COL6A1: variants seen among roughly 807,000 people sequenced by gnomAD.
COL6A1 encodes collagen alpha-1(VI) chain.
COL6A1 carries 80 observed loss-of-function variants against 145.6 expected under a neutral mutation model. The ratio of observed to expected loss-of-function variants is 0.55; its 90% CI spans 0.46 to 0.66. The LOEUF is 0.66. Among genes scored for constraint, COL6A1 ranks in the 30% least tolerant of loss-of-function variants. The pLI is 0.00. For missense variants in COL6A1, 1,364 were observed against 1,473.8 expected (o/e 0.93, Z 1.22); for synonymous variants, 638 against 622.8 (o/e 1.02, Z -0.36).
chr21:45,999,174 G>A lies in COL6A1; in HGVS notation c.1696G>A (p.Gly566Arg). ...CTAGAACAACGACATTGCACCCCGA[G>A]GAGTCAAAGGAGCAAAGGGGTACCG... is the stretch of plus-strand genomic sequence containing the variant. ...GDDNNDIAPR[G>R]VKGAKGYRGP... The change falls in exon 26 of 35, where the codon GGA becomes AGA. Residue 566 changes from glycine (G) to arginine (R), a missense_variant. Coordinates refer to ENST00000361866, the MANE Select transcript of COL6A1 (RefSeq NM_001848.3). The A allele has an allele frequency of 6.2e-7, 1 of 1,602,654 alleles. No homozygotes were observed. The highest frequency in any genetic ancestry group is 8.5e-7 in the Non-Finnish European group (1 of 1,175,566).
chr21:45,999,082 C>T (rs1278085600), intron 25 of COL6A1, 71 bp from the exon 26 acceptor site: 3 of 1,545,034 alleles, frequency 1.9e-6, no homozygotes, highest in Non-Finnish European at 2.6e-6. Flanking sequence ...GCTGGATGCT[C>T]TGTGGACGGG....
intron 2 of COL6A1, 139 bp from the exon 3 acceptor site, chr21:45,984,130 C>T: frequency 1.1e-6 from 1 of 904,460 alleles, no homozygotes; most frequent in East Asian, 2.6e-5. Context: ...GGCCTCAGGG[C>T]CACAGGGCAA....
At chr21:46,000,412 G>A (rs755618354) in intron 28 of COL6A1, 45 bp downstream of exon 28, 23 of 1,602,800 alleles carry the variant, frequency 1.4e-5, no homozygotes, top group Admixed American at 3.3e-5. Flanking sequence ...GAGCAGGGCC[G>A]CCAGCCTGGC....
In COL6A1 at chr21:46,003,801, G is replaced by T; in HGVS notation, c.2875G>T (p.Val959Leu). 1 of 1,608,978 alleles carries T rather than the reference G, an allele frequency of 6.2e-7. No individual in the cohort carries two copies. The highest frequency in any genetic ancestry group is 1.3e-5 in the African/African-American group (1 of 74,946). The change falls in exon 35 of 35, where the codon GTG (valine) becomes TTG (leucine). Residue 959 changes from valine to leucine, a missense_variant. Around this residue, in one of 3 missense-constraint regions of COL6A1, gnomAD observed 938 missense variants for 1,003.8 expected, o/e 0.93. Transcript: ENST00000361866. ...GATPAAIEKA[V>L]QEAQRAGIEI... ...CACGCCCGCTGCCATCGAGAAGGCC[G>T]TGCAGGAAGCCCAGCGGGCAGGCAT...
At position 45,994,303 on chromosome 21, in the gene COL6A1, G is replaced by A. The variant is rs941717749; in HGVS notation, c.1398+74G>A. The A allele has an allele frequency of 1.1e-5, 15 of 1,360,410 alleles. No homozygotes were observed. The highest frequency in any genetic ancestry group is 1.8e-4 in the Middle Eastern group (1 of 5,648). 84.3% of individuals were successfully genotyped at this position (1,360,410 alleles called of 1,614,324 possible). ...GGGTAGAAGTGCTCCAGCAGCTCAC[G>A]CACTGGGGGTCTGTTCATTTCCGTT... On this transcript the variant is annotated intron_variant, in intron 20 of 34. Transcript: ENST00000361866. This position sits in a 1 kb window ranked among gnomAD's most constrained non-coding sequence, Gnocchi z 6.8.
In COL6A1 at chr21:45,984,479, C is replaced by T. The variant is rs1437662111; in HGVS notation, c.428+10C>T. 1.2e-6 allele frequency: 2 copies of T among 1,607,634 alleles called. No homozygotes were observed. The highest frequency in any genetic ancestry group is 3.3e-5 in the Admixed American group (2 of 60,020). On this transcript the variant is annotated intron_variant, in intron 3 of 34. Transcript: ENST00000361866. ...AGCAGCTCCTCGTGGGGTGAGTGGC[C>T]CCCAGCCTCCTGCCCACGCCAGTTC... is the stretch of plus-strand genomic sequence containing the variant.
chr21:45,985,872 C>T (rs1034816612), intron 3 of COL6A1, among the ~76,000 whole-genome samples: 3 of 152,218 alleles, frequency 2.0e-5, no homozygotes, highest in Non-Finnish European at 4.4e-5. Context: ...CTCAGGAAGT[C>T]GTCCGCTGTC....
At position 45,997,175 on chromosome 21, in the gene COL6A1, C is replaced by T. The variant is rs115807593; in HGVS notation, c.1399-246C>T. 0.017 allele frequency among the ~76,000 whole-genome samples: 2,211 copies of T among 127,908 alleles called. 66 individuals carry two copies. Among genetic ancestry groups the T allele is most frequent in the African/African-American group, 0.057 (2,075 of 36,486 alleles). The allele number at this position is 127,908 out of a possible 152,430, so 83.9% of individuals were successfully genotyped here. On this transcript the variant is annotated intron_variant, in intron 20 of 34. Transcript: ENST00000361866. ...AAGTCATCTGGGAGAGGCTTCACCC[C>T]TCCGTGGGGGCCTGAGGCACCAGCT... is the stretch of plus-strand genomic sequence containing the variant.
intron 1 of COL6A1, 82 bp downstream of exon 1, chr21:45,982,029 A>G (rs2077710086): frequency 1.8e-6 from 2 of 1,111,824 alleles, no homozygotes; most frequent in Admixed American, 2.0e-5. Context: ...GTCCCCTCCC[A>G]CGCGTGGAAC....
At chr21:45,992,499 C>T in intron 18 of COL6A1, 101 bp downstream of exon 18, 3 of 1,397,952 alleles carry the variant, frequency 2.1e-6, no homozygotes, top group Non-Finnish European at 3.0e-6. Flanking sequence ...AGAGCCATGG[C>T]CTCCTGCCCA....
At chr21:45,995,216 C>T (rs1054786896) in intron 20 of COL6A1, among the ~76,000 whole-genome samples, 1 of 152,252 alleles carries the variant, frequency 6.6e-6, no homozygotes, top group African/African-American at 2.4e-5. Context: ...CCACCTGGTC[C>T]TGCGTGCCGC....
chr21:45,997,544 C>T, intron 21 of COL6A1, 61 bp downstream of exon 21: 3 of 1,578,252 alleles, frequency 1.9e-6, no homozygotes, highest in Middle Eastern at 1.7e-4. Context: ...CCAGAACCCA[C>T]TGTCTGCCCA....
At position 46,002,081 on chromosome 21, in the gene COL6A1, C is replaced by G; in HGVS notation, c.2066+11C>G. 1 of 1,606,358 alleles carries G rather than the reference C, an allele frequency of 6.2e-7. No individual in the cohort carries two copies. Among genetic ancestry groups the G allele is most frequent in the Non-Finnish European group, 8.5e-7 (1 of 1,177,506 alleles). On this transcript the variant is annotated intron_variant, in intron 31 of 34. Transcript: ENST00000361866. ...GCAGGAGCTCAAGGAGTGAGTGCCC[C>G]ACGCGGCCAGGACCCTCCCACCCCT...
chr21:45,986,393 C>G, intron 3 of COL6A1, 133 bp from the exon 4 acceptor site: 1 of 819,988 alleles, frequency 1.2e-6, no homozygotes, highest in Non-Finnish European at 2.0e-6. Flanking sequence ...TAACCCCCAC[C>G]GTATAGCCAG....
At chr21:45,998,671 G>T (rs888049158) in intron 24 of COL6A1, among the ~76,000 whole-genome samples, 1 of 152,184 alleles carries the variant, frequency 6.6e-6, no homozygotes, top group Admixed American at 6.5e-5. Context: ...CTGACTGCCC[G>T]GTGACCGATC....
rs993428621 is a variant in COL6A1 at position 45,982,522 on chromosome 21, CG to C, written c.98-109del. The C allele has an allele frequency of 2.6e-5, 40 of 1,509,582 alleles. No homozygotes were observed. In the East Asian group the frequency reaches 3.3e-4, roughly 12 times the overall value. The allele number at this position is 1,509,582 out of a possible 1,614,324, so 93.5% of individuals were successfully genotyped here. On this transcript the variant is annotated intron_variant, in intron 1 of 34. Coordinates refer to ENST00000361866, the MANE Select transcript of COL6A1 (RefSeq NM_001848.3). Reference sequence around the variant, plus strand: ...CTGCCTTTTCCCGGGAGAGCCTCTCCGGGCCCGGGGCTCTGTGCTGCAGGCG... The same window carrying C: ...CTGCCTTTTCCCGGGAGAGCCTCTCCGGCCCGGGGCTCTGTGCTGCAGGCG...
chr21:45,986,835 T>C, intron 4 of COL6A1, 109 bp from the exon 5 acceptor site: 1 of 1,524,520 alleles, frequency 6.6e-7, no homozygotes, highest in Non-Finnish European at 8.8e-7. Flanking sequence ...CCCCTCCTGC[T>C]GAGGAGCCTG....
At chr21:46,002,135 C>G (rs955133599) in intron 31 of COL6A1, 65 bp downstream of exon 31, 10 of 1,576,006 alleles carry the variant, frequency 6.3e-6, no homozygotes, top group Non-Finnish European at 8.6e-6. Context: ...CACGGCAGGT[C>G]GGCCCTGACC....
chr21:45,994,661 A>C lies in COL6A1; in HGVS notation c.1398+432A>C, dbSNP rs532972877. ...AGGCTATGGAGGTTTCCAGAATCCC[A>C]GGGTGTCAGGATGAAAATGCACTTT... On this transcript the variant is annotated intron_variant, in intron 20 of 34. Coordinates refer to ENST00000361866, the MANE Select transcript of COL6A1 (RefSeq NM_001848.3). This position sits in a 1 kb window ranked among gnomAD's most constrained non-coding sequence, Gnocchi z 6.8. 5.3e-5 allele frequency among the ~76,000 whole-genome samples: 8 copies of C among 152,274 alleles called. No individual in the cohort carries two copies. The South Asian group carries it at 1.7e-3, about 32-fold the overall frequency.
Sources: allele counts gnomAD v4.1 joint callset (sites outside exome capture counted in the v4.1 genomes callset), GRCh38; gene constraint gnomAD v4.1.1; regional missense constraint gnomAD v4.1.1; non-coding constraint Gnocchi (gnomAD v3.1); transcripts MANE v1.5; gene names NCBI Gene and HGNC (gene_info 2026-07-23, HGNC 2026-07-21).